The following CREG2 variants were observed in gnomAD, a reference collection of about 807,000 sequenced individuals.
CREG2 encodes cellular repressor of E1A stimulated genes 2, also known as protein CREG2.
Under a neutral mutation model 26.2 loss-of-function variants are expected in CREG2, and 24 were observed. The ratio of observed to expected loss-of-function variants is 0.92; its 90% CI spans 0.66 to 1.29. The LOEUF is 1.29. Ranked by LOEUF, CREG2 falls within the 50% of genes most tolerant of loss-of-function variation. The pLI is 0.00. For missense variants in CREG2, 366 were observed against 398.6 expected, an observed-to-expected ratio of 0.92 and a Z score of 0.70; for synonymous variants, 174 against 169.2, an observed-to-expected ratio of 1.03 and a Z score of -0.22.
At chr2:101,366,583 G>A (rs1289771638) in intron 2 of CREG2, among the ~76,000 whole-genome samples, 1 of 152,146 alleles carries the variant, frequency 6.6e-6, no homozygotes, top group Non-Finnish European at 1.5e-5. Flanking sequence ...AGCACTTTGG[G>A]GGGCTGAGGC....
At position 101,348,570 on chromosome 2, in the gene CREG2, GT is replaced by G. The variant is rs1256998137; in HGVS notation, c.*2352del. 1 of 151,940 alleles carries G rather than the reference GT, an allele frequency of 6.6e-6. No individual in the cohort carries two copies. Among genetic ancestry groups the G allele is most frequent in the East Asian group, 1.9e-4 (1 of 5,198 alleles). The allele number at this position is 151,940 out of a possible 1,614,324, so 9.4% of individuals were successfully genotyped here. A position where few individuals can be genotyped will look rare whatever the true frequency, so the allele number is the denominator to read the frequency against. Reference sequence around the variant, plus strand: ...GATTGCAAATGGTATTGTGTTTTTAGTTTTTTTCCCCACATGTTCATCGTTA... The same window carrying G: ...GATTGCAAATGGTATTGTGTTTTTAGTTTTTTCCCCACATGTTCATCGTTA... On this transcript the variant is annotated 3_prime_UTR_variant, in exon 4 of 4. Coordinates refer to ENST00000324768, the MANE Select transcript of CREG2 (RefSeq NM_153836.4).
chr2:101,378,779 C>CG (rs1321017676), intron 2 of CREG2, among the ~76,000 whole-genome samples: 1 of 151,958 alleles, frequency 6.6e-6, no homozygotes, highest in Non-Finnish European at 1.5e-5. Context: ...GAGGCTGAGG[C>CG]GGGGGGATCA....
At position 101,349,800 on chromosome 2, in the gene CREG2, T is replaced by C. The variant is rs538384189; in HGVS notation, c.*1123A>G. 1 of 152,296 alleles carries C rather than the reference T, an allele frequency of 6.6e-6. No homozygotes were observed. The highest frequency in any genetic ancestry group is 1.9e-4 in the East Asian group (1 of 5,180). The allele number at this position is 152,296 out of a possible 1,614,324, so 9.4% of individuals were successfully genotyped here. On this transcript the variant is annotated 3_prime_UTR_variant, in exon 4 of 4. Coordinates refer to ENST00000324768, the MANE Select transcript of CREG2 (RefSeq NM_153836.4). ...TCCAGGCAAGCTAGTCCTTCTTTTT[T>C]ACAATCACTTTACTGATTTTCCTGG...
chr2:101,366,589 G>C (rs920448040), intron 2 of CREG2, among the ~76,000 whole-genome samples: 1 of 152,158 alleles, frequency 6.6e-6, no homozygotes, highest in Admixed American at 6.5e-5. Flanking sequence ...TTGGGGGGCT[G>C]AGGCAGACGG....
intron 2 of CREG2, among the ~76,000 whole-genome samples, chr2:101,379,012 A>C (rs773533848): frequency 8.6e-5 from 13 of 152,028 alleles, no homozygotes; most frequent in Non-Finnish European, 1.6e-4. Context: ...TCTCAAAAAA[A>C]AAAAGAAAAA....
intron 3 of CREG2, among the ~76,000 whole-genome samples, chr2:101,354,822 T>G (rs1684432040): frequency 6.6e-6 from 1 of 152,054 alleles, no homozygotes. Flanking sequence ...GTAAGTAGGT[T>G]GGGGTTGGGC....
chr2:101,356,874 T>G (rs1049587943), intron 2 of CREG2, among the ~76,000 whole-genome samples: 1 of 152,204 alleles, frequency 6.6e-6, no homozygotes, highest in African/African-American at 2.4e-5. Flanking sequence ...GCAGTGACGA[T>G]GTGGGGAAGG....
chr2:101,386,276 T>A (rs1292677566), intron 1 of CREG2, among the ~76,000 whole-genome samples: 1 of 152,186 alleles, frequency 6.6e-6, no homozygotes, highest in East Asian at 1.9e-4. Flanking sequence ...TTTCTCTTTT[T>A]TGTAGGAAGT....
chr2:101,368,563 T>C (rs1185827711), intron 2 of CREG2, among the ~76,000 whole-genome samples: 1 of 152,160 alleles, frequency 6.6e-6, no homozygotes, highest in Non-Finnish European at 1.5e-5. Flanking sequence ...ACCAGACGGC[T>C]TGCCACGCAA....
At chr2:101,365,453 T>A (rs1187880303) in intron 2 of CREG2, among the ~76,000 whole-genome samples, 2 of 152,172 alleles carry the variant, frequency 1.3e-5, no homozygotes, top group African/African-American at 4.8e-5. Context: ...AGTTCCCTGA[T>A]TCATCATCAC....
In CREG2 at chr2:101,358,918, C is replaced by T. The variant is rs2104472495; in HGVS notation, c.612-3552G>A. On this transcript the variant is annotated intron_variant, in intron 2 of 3. Coordinates refer to ENST00000324768, the MANE Select transcript of CREG2 (RefSeq NM_153836.4). ...GGCGTAGTGGCGGGCGCCTGTAGTC[C>T]CAGCTACTTGGGAGGCTGAGGCAGG... 3.4e-5 allele frequency among the ~76,000 whole-genome samples: 2 copies of T among 57,996 alleles called. 1 individual carries two copies. Among genetic ancestry groups the T allele is most frequent in the African/African-American group, 7.9e-5 (2 of 25,434 alleles). 38.0% of individuals were successfully genotyped at this position (57,996 alleles called of 152,430 possible). A position where few individuals can be genotyped will look rare whatever the true frequency, so the allele number is the denominator to read the frequency against.
At chr2:101,378,874 T>G (rs1278937941) in intron 2 of CREG2, among the ~76,000 whole-genome samples, 1 of 151,772 alleles carries the variant, frequency 6.6e-6, no homozygotes, top group African/African-American at 2.4e-5. Context: ...GGCACGGTGG[T>G]GGGTGTCTGT....
chr2:101,379,491 C>G (rs1438137579), intron 2 of CREG2, among the ~76,000 whole-genome samples: 1 of 151,776 alleles, frequency 6.6e-6, no homozygotes, highest in Non-Finnish European at 1.5e-5. Context: ...ACTCAATGTC[C>G]TTCACCTATT....
At chr2:101,370,389 C>T (rs549927303) in intron 2 of CREG2, among the ~76,000 whole-genome samples, 12 of 152,100 alleles carry the variant, frequency 7.9e-5, no homozygotes, top group Admixed American at 5.9e-4. Context: ...AGAGTGTGCT[C>T]AAAACTTTAC....
At chr2:101,364,190 C>T (rs770354412) in intron 2 of CREG2, among the ~76,000 whole-genome samples, 3 of 152,286 alleles carry the variant, frequency 2.0e-5, no homozygotes, top group Admixed American at 6.5e-5. Context: ...TTTGTCTCTC[C>T]CTGATGTATC....
At position 101,348,543 on chromosome 2, in the gene CREG2, G is replaced by A. The variant is rs1558811480; in HGVS notation, c.*2380C>T. The A allele has an allele frequency of 6.6e-6, 1 of 152,108 alleles. No homozygotes were observed. The highest frequency in any genetic ancestry group is 1.5e-5 in the Non-Finnish European group (1 of 68,014). The allele number at this position is 152,108 out of a possible 1,614,324, so 9.4% of individuals were successfully genotyped here. A position where few individuals can be genotyped will look rare whatever the true frequency, so the allele number is the denominator to read the frequency against. On this transcript the variant is annotated 3_prime_UTR_variant, in exon 4 of 4. Coordinates refer to ENST00000324768, the MANE Select transcript of CREG2 (RefSeq NM_153836.4). ...TTATACGGAAGTATTTCACTTTGGAGTGATTGCAAATGGTATTGTGTTTTT... is the reference window on the plus strand; with the variant it reads ...TTATACGGAAGTATTTCACTTTGGAATGATTGCAAATGGTATTGTGTTTTT...
At chr2:101,372,784 C>T (rs928207008) in intron 2 of CREG2, among the ~76,000 whole-genome samples, 1 of 152,110 alleles carries the variant, frequency 6.6e-6, no homozygotes, top group Non-Finnish European at 1.5e-5. Context: ...AAGACTCTTA[C>T]AACTCAACAA....
At chr2:101,366,315 T>G (rs959440061) in intron 2 of CREG2, among the ~76,000 whole-genome samples, 12 of 152,190 alleles carry the variant, frequency 7.9e-5, no homozygotes, top group African/African-American at 2.7e-4. Flanking sequence ...TGAATGACGC[T>G]TGCCCATTTT....
rs1236848911 is a variant in CREG2 at position 101,345,945 on chromosome 2, T to C, written c.*4978A>G. On this transcript the variant is annotated 3_prime_UTR_variant, in exon 4 of 4. Coordinates refer to ENST00000324768, the MANE Select transcript of CREG2 (RefSeq NM_153836.4). Reference sequence around the variant, plus strand: ...TCAAAGCAATCCTCCCACCTCAGCCTCTTGAGTAGCTAGAACTACAGGTGT... The same window carrying C: ...TCAAAGCAATCCTCCCACCTCAGCCCCTTGAGTAGCTAGAACTACAGGTGT... 2.7e-5 allele frequency: 4 copies of C among 150,634 alleles called. No homozygotes were observed. Among genetic ancestry groups the C allele is most frequent in the Non-Finnish European group, 5.9e-5 (4 of 67,774 alleles). 9.3% of individuals were successfully genotyped at this position (150,634 alleles called of 1,614,324 possible). A position where few individuals can be genotyped will look rare whatever the true frequency, so the allele number is the denominator to read the frequency against.
Sources: allele counts gnomAD v4.1 joint callset (sites outside exome capture counted in the v4.1 genomes callset), GRCh38; gene constraint gnomAD v4.1.1; transcripts MANE v1.5; gene names NCBI Gene and HGNC (gene_info 2026-07-23, HGNC 2026-07-21).